EPHB1: variants seen among roughly 807,000 people sequenced by gnomAD.
EPHB1 encodes the protein ephrin type-B receptor 1.
A neutral mutation model predicts 94.4 loss-of-function variants in EPHB1; 30 were observed. The ratio of observed to expected loss-of-function variants is 0.32; its 90% CI spans 0.24 to 0.43. The LOEUF is 0.43. EPHB1 is among the 20% of genes least tolerant of loss of function. The pLI, the probability that EPHB1 is intolerant of heterozygous loss-of-function variation, is 1.00. For missense variants in EPHB1, 1,055 were observed against 1,308.3 expected (o/e 0.81, Z 2.99); for synonymous variants, 522 against 489.1 (o/e 1.07, Z -0.89).
At chr3:135,195,330 T>C (rs1047997444) in intron 11 of EPHB1, among the ~76,000 whole-genome samples, 10 of 147,022 alleles carry the variant, frequency 6.8e-5, no homozygotes, top group Admixed American at 4.0e-4. Flanking sequence ...CTGTTTTCTT[T>C]TTATTTATTT....
chr3:134,846,618 C>T (rs1430486349), intron 1 of EPHB1, among the ~76,000 whole-genome samples: 1 of 152,116 alleles, frequency 6.6e-6, no homozygotes, highest in East Asian at 1.9e-4. Flanking sequence ...CTGCTCCTGC[C>T]TGAGGGTGGG....
At chr3:134,874,455 T>G (rs2037575315) in intron 1 of EPHB1, among the ~76,000 whole-genome samples, 1 of 152,194 alleles carries the variant, frequency 6.6e-6, no homozygotes, top group Middle Eastern at 3.2e-3. Context: ...ACCTGCATGA[T>G]GTGCACATGT....
At chr3:135,171,951 CTG>C (rs993367536) in intron 9 of EPHB1, among the ~76,000 whole-genome samples, 7 of 152,300 alleles carry the variant, frequency 4.6e-5, no homozygotes, top group African/African-American at 1.7e-4. Context: ...CTGTCTGACT[CTG>C]TGGTCTCGAT....
chr3:134,955,567 T>C lies in EPHB1; in HGVS notation c.805+3515T>C, dbSNP rs1302007646. Among the ~76,000 whole-genome samples, 2 of 101,000 alleles carry C rather than the reference T, an allele frequency of 2.0e-5. 1 individual carries two copies. The highest frequency in any genetic ancestry group is 4.0e-5 in the Non-Finnish European group (2 of 50,306). 66.3% of individuals were successfully genotyped at this position (101,000 alleles called of 152,430 possible). On this transcript the variant is annotated intron_variant, in intron 3 of 15. Transcript: ENST00000398015. ...ACCATTGTGGAAGTCAGTGTGGCGATTCCTCAGGGATCTAGAACTAGAAAT... is the reference window on the plus strand; with the variant it reads ...ACCATTGTGGAAGTCAGTGTGGCGACTCCTCAGGGATCTAGAACTAGAAAT...
At chr3:134,972,516 T>C (rs1934016260) in intron 3 of EPHB1, among the ~76,000 whole-genome samples, 1 of 143,106 alleles carries the variant, frequency 7.0e-6, no homozygotes, top group Non-Finnish European at 1.5e-5. Flanking sequence ...ATATATATTA[T>C]TATATATTTA....
At chr3:135,245,425 G>C (rs1308892308) in intron 13 of EPHB1, among the ~76,000 whole-genome samples, 1 of 149,372 alleles carries the variant, frequency 6.7e-6, no homozygotes, top group Admixed American at 6.7e-5. Flanking sequence ...CAGAAAGGAG[G>C]AATCAGTGGC....
At chr3:135,056,778 G>A (rs1937361530) in intron 3 of EPHB1, among the ~76,000 whole-genome samples, 1 of 152,238 alleles carries the variant, frequency 6.6e-6, no homozygotes. Flanking sequence ...TGGGAGGGAG[G>A]AGTGGCTGTG....
chr3:135,089,199 C>A (rs1391259513), intron 3 of EPHB1, among the ~76,000 whole-genome samples: 1 of 152,222 alleles, frequency 6.6e-6, no homozygotes, highest in African/African-American at 2.4e-5. Context: ...AATACTCCAG[C>A]CAGTAAGCTA....
At chr3:135,005,944 A>C (rs1935392504) in intron 3 of EPHB1, among the ~76,000 whole-genome samples, 1 of 152,232 alleles carries the variant, frequency 6.6e-6, no homozygotes, top group Non-Finnish European at 1.5e-5. Context: ...TGGGAGCTGT[A>C]GACCGGAGCT....
chr3:134,982,641 A>G (rs1329867319), intron 3 of EPHB1, among the ~76,000 whole-genome samples: 1 of 152,214 alleles, frequency 6.6e-6, no homozygotes, highest in African/African-American at 2.4e-5. Context: ...ACACAGATGT[A>G]TTCCTCCTCA....
In EPHB1 at chr3:134,951,852, A is replaced by G; in HGVS notation, c.605A>G (p.Asn202Ser). 6.2e-7 allele frequency: 1 copy of G among 1,613,924 alleles called. No homozygotes were observed. The highest frequency in any genetic ancestry group is 1.1e-5 in the South Asian group (1 of 91,066). The change falls in exon 3 of 16, where the codon AAT becomes AGT. Residue 202 changes from asparagine (N) to serine (S), a missense_variant. Physicochemically the swap from Asn to Ser is conservative, Grantham distance 46. Transcript: ENST00000398015. The surrounding 1 kb of genome is among the most constrained non-coding windows in gnomAD (Gnocchi z 4.5). ...FFKKCPSIVQ[N>S]FAVFPETMTG... ...AAAAAGTGTCCCAGCATTGTGCAAA[A>G]TTTTGCAGTGTTTCCAGAGACTATG...
At chr3:135,172,100 G>A (rs73220264) in intron 9 of EPHB1, among the ~76,000 whole-genome samples, 7 of 152,272 alleles carry the variant, frequency 4.6e-5, no homozygotes, top group East Asian at 1.9e-4. Flanking sequence ...ATCCCATTTC[G>A]AGAAGGACAT....
chr3:135,124,380 A>G (rs770309103), intron 4 of EPHB1, among the ~76,000 whole-genome samples: 5 of 151,654 alleles, frequency 3.3e-5, no homozygotes, highest in Non-Finnish European at 7.3e-5. Flanking sequence ...ACGTATTGAA[A>G]TGTTTTCTGA....
chr3:134,881,908 A>G (rs2037738539), intron 1 of EPHB1, among the ~76,000 whole-genome samples: 1 of 152,196 alleles, frequency 6.6e-6, no homozygotes, highest in African/African-American at 2.4e-5. Context: ...TGACTGAGCA[A>G]ATGGAAATAA....
chr3:135,095,613 G>A (rs1438545163), intron 3 of EPHB1, among the ~76,000 whole-genome samples: 1 of 152,056 alleles, frequency 6.6e-6, no homozygotes, highest in African/African-American at 2.4e-5. Context: ...GGGCCGAGTG[G>A]GTGACATGAG....
chr3:135,248,510 G>T lies in EPHB1; in HGVS notation c.2690+1G>T. The T allele has an allele frequency of 6.3e-7, 1 of 1,585,500 alleles. No individual in the cohort carries two copies. Among genetic ancestry groups the T allele is most frequent in the Middle Eastern group, 1.7e-4 (1 of 5,992 alleles). On this transcript the variant is annotated splice_donor_variant, in intron 14 of 15. Coordinates refer to ENST00000398015, the MANE Select transcript of EPHB1 (RefSeq NM_004441.5). LOFTEE classifies it high-confidence loss of function. The stretch of plus-strand genomic sequence containing the variant: ...AGACTGTGGCAACCATCACCGCCGT[G>T]TGAGTCTAGTGAAACGGTGATCCCT...
At chr3:135,113,132 A>G (rs1939529831) in intron 4 of EPHB1, among the ~76,000 whole-genome samples, 2 of 152,352 alleles carry the variant, frequency 1.3e-5, no homozygotes, top group South Asian at 4.1e-4. Flanking sequence ...GTCAGAGGGC[A>G]GGCCTAGATT....
intron 1 of EPHB1, among the ~76,000 whole-genome samples, chr3:134,918,425 G>A (rs1426796830): frequency 1.3e-5 from 2 of 152,210 alleles, no homozygotes; most frequent in African/African-American, 2.4e-5. Context: ...AAATCATAAA[G>A]TAGAGGAATG....
intron 1 of EPHB1, among the ~76,000 whole-genome samples, chr3:134,864,127 G>A (rs1047990190): frequency 3.3e-5 from 5 of 152,184 alleles, no homozygotes; most frequent in African/African-American, 9.7e-5. Context: ...TCCCTAGCAC[G>A]GGGCCTTTGT....
Sources: allele counts gnomAD v4.1 joint callset (sites outside exome capture counted in the v4.1 genomes callset), GRCh38; gene constraint gnomAD v4.1.1; non-coding constraint Gnocchi (gnomAD v3.1); transcripts MANE v1.5; gene names NCBI Gene and HGNC (gene_info 2026-07-23, HGNC 2026-07-21).